Variants in DCHS2 observed in about 807,000 individuals in gnomAD.
The protein encoded by DCHS2 is dachsous cadherin-related 2, also known as protocadherin-23.
In DCHS2, 142 loss-of-function variants were observed where a neutral mutation model predicts 182.4. The observed-to-expected ratio is 0.78, with a 90% CI of 0.68 to 0.89. DCHS2 has a LOEUF of 0.89. Ranked by LOEUF, DCHS2 falls within the 40% of genes least tolerant of loss-of-function variation. The pLI is 0.00. For synonymous variants in DCHS2, 1,740 were observed against 1,663.3 expected (o/e 1.05, Z -1.12); for missense variants, 4,319 against 4,198.6 (o/e 1.03, Z -0.79).
At chr4:154,397,612 T>TG (rs1452993069) in intron 1 of DCHS2, among the ~76,000 whole-genome samples, 3 of 152,204 alleles carry the variant, frequency 2.0e-5, no homozygotes. Context: ...CCCTCCTTAG[T>TG]GGGTACCTTT....
At chr4:154,316,113 C>G in intron 9 of DCHS2, 126 bp from the exon 10 acceptor site, 1 of 1,418,128 alleles carries the variant, frequency 7.1e-7, no homozygotes, top group South Asian at 1.5e-5. Flanking sequence ...AAAATATGAA[C>G]TGCATTAAAT....
chr4:154,459,004 A>T (rs563171871), intron 1 of DCHS2, among the ~76,000 whole-genome samples: 59 of 152,334 alleles, frequency 3.9e-4, no homozygotes, highest in Non-Finnish European at 7.5e-4. Flanking sequence ...CTACAGTGAT[A>T]ACTGCTTTCA....
Position 154,235,790 on chromosome 4 carries a change from C to A in DCHS2, c.8862G>T (p.Leu2954Phe). ...GACTATGAGCGATTATTTTCATTTC[C>A]AAGGTGTCTTCTTTGTTGAGTTGAC... ...IKSQLNKEDT[L>F]EMKIIAHSPK... is the part of the protein sequence containing the mutation. Residue 2954 changes from leucine to phenylalanine, a missense_variant, in exon 20 of 20, where the codon TTG becomes TTT. Transcript: ENST00000357232. 1.2e-6 allele frequency: 2 copies of A among 1,613,900 alleles called. No individual in the cohort carries two copies. Among genetic ancestry groups the A allele is most frequent in the Non-Finnish European group, 1.7e-6 (2 of 1,179,944 alleles).
rs112422259 is a variant in DCHS2, at chr4:154,478,458, C to T, written c.2052+10846G>A. ...AGGGGTCCAAAATGGAAGAATGGAC[C>T]TATATGGAGTGAGTTTCCCATTTTT... On this transcript the variant is annotated intron_variant, in intron 1 of 19. Coordinates refer to ENST00000357232, the MANE Select transcript of DCHS2 (RefSeq NM_001358235.2). Among the ~76,000 whole-genome samples, 4 of 152,198 alleles carry T rather than the reference C, an allele frequency of 2.6e-5. 1 individual carries two copies. Among genetic ancestry groups the T allele is most frequent in the African/African-American group, 7.2e-5 (3 of 41,524 alleles).
At chr4:154,482,624 T>C (rs1157421250) in intron 1 of DCHS2, among the ~76,000 whole-genome samples, 2 of 152,196 alleles carry the variant, frequency 1.3e-5, no homozygotes, top group Non-Finnish European at 2.9e-5. Context: ...AGTCGTATTA[T>C]GTGCTAAGAG....
chr4:154,323,259 T>C (rs1367307451), intron 7 of DCHS2: 1 of 1,549,486 alleles, frequency 6.5e-7, no homozygotes, highest in Admixed American at 2.0e-5. Context: ...TTTTGTTTGT[T>C]TGTTTGTTTG....
At chr4:154,406,885 G>A (rs917878711) in intron 1 of DCHS2, among the ~76,000 whole-genome samples, 2 of 152,214 alleles carry the variant, frequency 1.3e-5, no homozygotes, top group Non-Finnish European at 2.9e-5. Context: ...TGGAAAGGAA[G>A]TTATCAGCAT....
chr4:154,238,029 A>G (rs1448483915), intron 19 of DCHS2, among the ~76,000 whole-genome samples: 2 of 152,150 alleles, frequency 1.3e-5, no homozygotes, highest in South Asian at 2.1e-4. Flanking sequence ...GCACATGTCA[A>G]GTAAAAGTGT....
chr4:154,372,916 A>G (rs899233788), intron 2 of DCHS2, among the ~76,000 whole-genome samples: 1 of 152,222 alleles, frequency 6.6e-6, no homozygotes, highest in Non-Finnish European at 1.5e-5. Context: ...GTATTTTACA[A>G]GAAAAATTCT....
chr4:154,343,554 T>A (rs974070352), intron 3 of DCHS2: 44 of 1,528,934 alleles, frequency 2.9e-5, no homozygotes, highest in Non-Finnish European at 3.8e-5. Context: ...CACTTTTAGG[T>A]AATGGAGATG....
chr4:154,337,875 G>A (rs1424962888), intron 3 of DCHS2, among the ~76,000 whole-genome samples: 1 of 152,002 alleles, frequency 6.6e-6, no homozygotes, highest in Non-Finnish European at 1.5e-5. Context: ...CGAGTAGCTG[G>A]GATTACAGGC....
intron 7 of DCHS2, among the ~76,000 whole-genome samples, chr4:154,325,233 T>C (rs577249699): frequency 5.1e-4 from 77 of 152,122 alleles, no homozygotes; most frequent in African/African-American, 1.5e-3. Flanking sequence ...TTGAGGTTTA[T>C]CTTTGAAGTC....
intron 17 of DCHS2, 51 bp from the exon 18 acceptor site, chr4:154,240,874 A>T: frequency 6.3e-7 from 1 of 1,592,910 alleles, no homozygotes; most frequent in Non-Finnish European, 8.6e-7. Context: ...ATCCTTTGAA[A>T]TACATTTCTT....
chr4:154,433,394 C>CTTTTTT (rs1553951910), intron 1 of DCHS2, among the ~76,000 whole-genome samples: 3 of 48,812 alleles, frequency 6.1e-5, no homozygotes, highest in Non-Finnish European at 1.2e-4. Flanking sequence ...TTTTTTTTTT[C>CTTTTTT]CTTTTTTTTT....
chr4:154,300,241 T>A (rs1055322063), intron 12 of DCHS2, among the ~76,000 whole-genome samples: 2 of 151,534 alleles, frequency 1.3e-5, no homozygotes, highest in South Asian at 4.2e-4. Context: ...AAGCAGGGGG[T>A]CAAATTGTGA....
rs373347981 is a variant in DCHS2, at chr4:154,296,404, CT to C, written c.6463+1446del. Among the ~76,000 whole-genome samples, 675 of 152,300 alleles carry C rather than the reference CT, an allele frequency of 4.4e-3. 4 individuals carry two copies. Among genetic ancestry groups the C allele is most frequent in the African/African-American group, 0.015 (642 of 41,566 alleles). ...CACTTGGTTAACTTTTCTTGTCACACTGCTGTGGGGCCAGCCTGTGTCTTAC... is the reference window on the plus strand; with the variant it reads ...CACTTGGTTAACTTTTCTTGTCACACGCTGTGGGGCCAGCCTGTGTCTTAC... On this transcript the variant is annotated intron_variant, in intron 13 of 19. Transcript: ENST00000357232.
chr4:154,373,190 T>C (rs1730722969), intron 2 of DCHS2, among the ~76,000 whole-genome samples: 2 of 152,226 alleles, frequency 1.3e-5, no homozygotes, highest in South Asian at 4.1e-4. Context: ...GCAGTCTACG[T>C]TGCTTTCAGG....
chr4:154,321,243 A>G (rs760781296), intron 8 of DCHS2, 21 bp from the exon 9 acceptor site: 5 of 1,458,684 alleles, frequency 3.4e-6, no homozygotes, highest in South Asian at 3.2e-5. Flanking sequence ...AATAAAAGAG[A>G]TATTAATTTG....
At chr4:154,254,954 C>G (rs1249313736) in intron 16 of DCHS2, among the ~76,000 whole-genome samples, 1 of 152,086 alleles carries the variant, frequency 6.6e-6, no homozygotes, top group East Asian at 1.9e-4. Flanking sequence ...AACTTAAACA[C>G]TATTATTATT....
Sources: gnomAD v4.1 joint callset for allele counts (sites outside exome capture counted in the v4.1 genomes callset) on GRCh38, gnomAD v4.1.1 for gene constraint, MANE v1.5 for transcripts, NCBI Gene and HGNC (gene_info 2026-07-23, HGNC 2026-07-21) for gene names.